The following LINGO2 variants were observed in gnomAD, a reference collection of about 807,000 sequenced individuals.
LINGO2 encodes the protein leucine rich repeat and Ig domain containing 2.
In LINGO2, 14 loss-of-function variants were observed where a neutral mutation model predicts 30.6. The observed-to-expected ratio is 0.46, with a 90% CI of 0.30 to 0.72. The LOEUF (loss-of-function observed/expected upper bound fraction) is 0.72. Among genes scored for constraint, LINGO2 ranks in the 30% least tolerant of loss-of-function variants. LINGO2 has a pLI of 0.07. For missense variants in LINGO2, 729 were observed against 751.7 expected, an observed-to-expected ratio of 0.97 and a Z score of 0.35; for synonymous variants, 317 against 288.5, an observed-to-expected ratio of 1.10 and a Z score of -1.00.
At chr9:29,131,484 G>C in the LINGO2 span, among the ~76,000 whole-genome samples, 1 of 151,978 alleles carries the variant, frequency 6.6e-6, no homozygotes, top group Admixed American at 6.6e-5. Flanking sequence ...CCCAATCCCC[G>C]CTCTATTTTG....
chr9:28,362,582 A>G (rs1820494813), intron 3 of LINGO2, among the ~76,000 whole-genome samples: 1 of 151,638 alleles, frequency 6.6e-6, no homozygotes, highest in African/African-American at 2.4e-5. Flanking sequence ...GCGATTCTCC[A>G]GCTTCATCCT....
At chr9:28,245,847 T>G in intron 4 of LINGO2, among the ~76,000 whole-genome samples, 1 of 152,054 alleles carries the variant, frequency 6.6e-6, no homozygotes, top group East Asian at 1.9e-4. Flanking sequence ...AGAATCAACA[T>G]AATGAAATGG....
At chr9:28,400,167 A>G (rs907162730) in intron 2 of LINGO2, among the ~76,000 whole-genome samples, 3 of 152,136 alleles carry the variant, frequency 2.0e-5, no homozygotes, top group South Asian at 2.1e-4. Context: ...CCCAAGATAC[A>G]ATTATACCTT....
chr9:28,884,103 G>A, the LINGO2 span, among the ~76,000 whole-genome samples: 5 of 41,686 alleles, frequency 1.2e-4, no homozygotes, highest in East Asian at 2.9e-3. Flanking sequence ...GAATAGCGCA[G>A]TGTCTAAACA....
chr9:28,576,108 C>T (rs1402796), intron 1 of LINGO2, among the ~76,000 whole-genome samples: 85,367 of 152,048 alleles, frequency 0.56, 24,746 homozygotes, highest in East Asian at 0.7. Flanking sequence ...CTTAGCTTAG[C>T]CTACCTTAAA....
At chr9:28,537,212 G>A (rs1156362169) in intron 1 of LINGO2, among the ~76,000 whole-genome samples, 1 of 152,078 alleles carries the variant, frequency 6.6e-6, no homozygotes, top group African/African-American at 2.4e-5. Flanking sequence ...GACCAACAAT[G>A]TGATCTCAGA....
intron 1 of LINGO2, among the ~76,000 whole-genome samples, chr9:28,658,853 T>C (rs1828469682): frequency 6.6e-6 from 1 of 152,094 alleles, no homozygotes; most frequent in Non-Finnish European, 1.5e-5. Context: ...AATTATACTA[T>C]GGTTATGAAA....
chr9:28,775,129 T>C, the LINGO2 span, among the ~76,000 whole-genome samples: 1 of 152,168 alleles, frequency 6.6e-6, no homozygotes, highest in African/African-American at 2.4e-5. Context: ...AGTTATGAGT[T>C]GTGCCTTAGA....
chr9:27,990,176 T>C (rs1334335449), intron 5 of LINGO2, among the ~76,000 whole-genome samples: 5 of 152,152 alleles, frequency 3.3e-5, no homozygotes, highest in Non-Finnish European at 7.4e-5. Flanking sequence ...TCTTATGAAA[T>C]TGCCAATATT....
the LINGO2 span, among the ~76,000 whole-genome samples, chr9:29,193,082 TG>T: frequency 2.0e-5 from 3 of 152,168 alleles, no homozygotes; most frequent in Non-Finnish European, 4.4e-5. Context: ...CACCTTTTTC[TG>T]GGGGTAGGTG....
chr9:29,081,103 G>A, the LINGO2 span, among the ~76,000 whole-genome samples: 1 of 152,036 alleles, frequency 6.6e-6, no homozygotes, highest in African/African-American at 2.4e-5. Context: ...TGATACCAAA[G>A]CCTGGCAGAG....
intron 1 of LINGO2, among the ~76,000 whole-genome samples, chr9:28,522,433 A>G (rs1241981673): frequency 6.6e-6 from 1 of 152,174 alleles, no homozygotes; most frequent in East Asian, 1.9e-4. Context: ...CTACTAGTGC[A>G]AACTCTCTTG....
At chr9:28,851,707 C>A in the LINGO2 span, among the ~76,000 whole-genome samples, 1 of 151,824 alleles carries the variant, frequency 6.6e-6, no homozygotes, top group Non-Finnish European at 1.5e-5. Flanking sequence ...TTAATATAGT[C>A]CACAAGCATT....
the LINGO2 span, among the ~76,000 whole-genome samples, chr9:28,782,787 G>T: frequency 6.6e-6 from 1 of 152,166 alleles, no homozygotes; most frequent in East Asian, 1.9e-4. Flanking sequence ...GTACAGTCAT[G>T]CATCACTAAA....
intron 3 of LINGO2, among the ~76,000 whole-genome samples, chr9:28,312,032 T>A (rs1264824293): frequency 1.3e-5 from 2 of 152,168 alleles, no homozygotes; most frequent in Non-Finnish European, 2.9e-5. Flanking sequence ...AGCCAGTCCC[T>A]CCGTTCGGGG....
chr9:28,239,220 C>T (rs1325657901), intron 4 of LINGO2, among the ~76,000 whole-genome samples: 2 of 151,886 alleles, frequency 1.3e-5, no homozygotes, highest in Admixed American at 6.6e-5. Context: ...TTTCAAAAAG[C>T]AATACCAATA....
At chr9:28,158,440 A>C (rs1027340555) in intron 4 of LINGO2, among the ~76,000 whole-genome samples, 7 of 152,222 alleles carry the variant, frequency 4.6e-5, no homozygotes, top group Non-Finnish European at 1.0e-4. Context: ...AGGTCAGAGA[A>C]AGGTGGGCTC....
chr9:28,017,538 A>G (rs1822900502), intron 4 of LINGO2, among the ~76,000 whole-genome samples: 2 of 152,248 alleles, frequency 1.3e-5, no homozygotes, highest in East Asian at 1.9e-4. Context: ...ATAAATCAAT[A>G]TCTATAAATC....
At chr9:28,205,287 A>G (rs1012808988) in intron 4 of LINGO2, among the ~76,000 whole-genome samples, 4 of 152,152 alleles carry the variant, frequency 2.6e-5, no homozygotes, top group African/African-American at 9.7e-5. Context: ...CTTTTCTGAC[A>G]TGTACCTGTG....
Sources: allele counts gnomAD v4.1 joint callset (sites outside exome capture counted in the v4.1 genomes callset), GRCh38; gene constraint gnomAD v4.1.1; transcripts MANE v1.5; gene names NCBI Gene and HGNC (gene_info 2026-07-23, HGNC 2026-07-21).